Variants in CTXND1 observed in about 807,000 individuals in gnomAD.
CTXND1 encodes cortexin domain containing 1, also known as cortexin domain-containing 1 protein.
At chr15:80,223,304 G>A (rs986369516) in intron 1 of CTXND1, among the ~76,000 whole-genome samples, 1 of 152,120 alleles carries the variant, frequency 6.6e-6, no homozygotes, top group Non-Finnish European at 1.5e-5. Flanking sequence ...TGATCTGCCC[G>A]CTTCAGCCTC....
At chr15:80,205,958 T>G (rs1893143495) in intron 1 of CTXND1, among the ~76,000 whole-genome samples, 1 of 151,752 alleles carries the variant, frequency 6.6e-6, no homozygotes, top group Non-Finnish European at 1.5e-5. Flanking sequence ...TTTTTGCCAA[T>G]TTGAAAGAAA....
intron 1 of CTXND1, among the ~76,000 whole-genome samples, chr15:80,232,410 G>A (rs1322595477): frequency 1.3e-5 from 2 of 152,128 alleles, no homozygotes; most frequent in Non-Finnish European, 2.9e-5. Flanking sequence ...TTCATCAGTG[G>A]CCCCGATGTA....
intron 1 of CTXND1, among the ~76,000 whole-genome samples, chr15:80,212,698 A>C (rs529382260): frequency 4.6e-5 from 7 of 152,354 alleles, no homozygotes; most frequent in African/African-American, 1.7e-4. Flanking sequence ...TCACCACGAC[A>C]TATATGGGAG....
chr15:80,203,709 C>G lies in CTXND1; in HGVS notation c.-186G>C, dbSNP rs1313564963. ...AGTGGCCTTTCACTGAGAGCAGGCACTGTGCTGGCTCGTGGGGGCGCTGGA... is the reference window on the plus strand; with the variant it reads ...AGTGGCCTTTCACTGAGAGCAGGCAGTGTGCTGGCTCGTGGGGGCGCTGGA... On this transcript the variant is annotated 5_prime_UTR_variant, in exon 2 of 3. Coordinates refer to ENST00000560778, the MANE Select transcript of CTXND1 (RefSeq NM_001352888.2). The G allele has an allele frequency of 1.3e-5, 2 of 152,104 alleles. No homozygotes were observed. Among genetic ancestry groups the G allele is most frequent in the Non-Finnish European group, 2.9e-5 (2 of 68,056 alleles). 9.4% of individuals were successfully genotyped at this position (152,104 alleles called of 1,614,324 possible).
chr15:80,233,402 C>T (rs968146986), intron 1 of CTXND1, among the ~76,000 whole-genome samples: 6 of 152,166 alleles, frequency 3.9e-5, no homozygotes, highest in African/African-American at 1.2e-4. Flanking sequence ...AAAATATTAG[C>T]TGTCATTCTT....
Position 80,252,132 on chromosome 15 carries a change from G to A in CTXND1, c.-343C>T, listed in dbSNP as rs1447877598. On this transcript the variant is annotated 5_prime_UTR_variant, in exon 1 of 3. Coordinates refer to ENST00000560778, the MANE Select transcript of CTXND1 (RefSeq NM_001352888.2). ...GGCGCGGGCTCGCGGGGCGCGGGGG[G>A]CGCTGCCCAGGCCCGGCTCGGCAGG... is the stretch of plus-strand genomic sequence containing the variant. 1 of 151,634 alleles carries A rather than the reference G, an allele frequency of 6.6e-6. No homozygotes were observed. The highest frequency in any genetic ancestry group is 1.5e-5 in the Non-Finnish European group (1 of 67,914). The allele number at this position is 151,634 out of a possible 1,614,324, so 9.4% of individuals were successfully genotyped here.
intron 1 of CTXND1, among the ~76,000 whole-genome samples, chr15:80,248,367 G>A (rs952175584): frequency 1.1e-4 from 17 of 152,156 alleles, no homozygotes; most frequent in Admixed American, 3.9e-4. Flanking sequence ...ATGATCCTAC[G>A]GCTTATAGGA....
At chr15:80,220,173 TTATCTATC>T (rs1280577039) in intron 1 of CTXND1, among the ~76,000 whole-genome samples, 1 of 144,794 alleles carries the variant, frequency 6.9e-6, no homozygotes, top group Non-Finnish European at 1.5e-5. Flanking sequence ...ATCTATCTAT[TTATCTATC>T]TATCTATATT....
At chr15:80,207,589 G>A (rs1050619414) in intron 1 of CTXND1, among the ~76,000 whole-genome samples, 7 of 152,088 alleles carry the variant, frequency 4.6e-5, no homozygotes, top group African/African-American at 9.7e-5. Context: ...TTTTGGTTCA[G>A]TTTCTTGATA....
intron 1 of CTXND1, among the ~76,000 whole-genome samples, chr15:80,203,998 A>G (rs1378529285): frequency 1.3e-5 from 2 of 151,006 alleles, no homozygotes; most frequent in Non-Finnish European, 3.0e-5. Context: ...CTGTCTCTAC[A>G]AAAAGTACAA....
chr15:80,231,711 A>G (rs1037460829), intron 1 of CTXND1, among the ~76,000 whole-genome samples: 5 of 152,162 alleles, frequency 3.3e-5, no homozygotes, highest in African/African-American at 1.2e-4. Flanking sequence ...TTCCAGGCAG[A>G]GTGTTGCCCA....
At chr15:80,208,269 A>T (rs1462998559) in intron 1 of CTXND1, among the ~76,000 whole-genome samples, 2 of 152,246 alleles carry the variant, frequency 1.3e-5, no homozygotes, top group African/African-American at 4.8e-5. Context: ...ACACACACAT[A>T]TGCACATACA....
At chr15:80,235,314 G>A (rs949549075) in intron 1 of CTXND1, among the ~76,000 whole-genome samples, 10 of 152,144 alleles carry the variant, frequency 6.6e-5, no homozygotes, top group East Asian at 1.9e-4. Context: ...TCCAGGTACC[G>A]AAAGTACATC....
chr15:80,224,807 G>C (rs533127961), intron 1 of CTXND1, among the ~76,000 whole-genome samples: 2 of 152,298 alleles, frequency 1.3e-5, no homozygotes, highest in East Asian at 3.9e-4. Context: ...GCAGTGGCTT[G>C]ATCTTAGCTC....
chr15:80,223,704 C>G lies in CTXND1; in HGVS notation c.-217-19964G>C, dbSNP rs539689367. 7.2e-5 allele frequency among the ~76,000 whole-genome samples: 11 copies of G among 152,054 alleles called. No homozygotes were observed. In the East Asian group the frequency reaches 1.9e-3, roughly 27 times the overall value. On this transcript the variant is annotated intron_variant, in intron 1 of 2. Coordinates refer to ENST00000560778, the MANE Select transcript of CTXND1 (RefSeq NM_001352888.2). ...CCCAGTCGCTCTGCATCCTCATCAGCACTTGGTAGGTTGGGCCTTGTAAAT... is the reference window on the plus strand; with the variant it reads ...CCCAGTCGCTCTGCATCCTCATCAGGACTTGGTAGGTTGGGCCTTGTAAAT...
chr15:80,248,563 T>C (rs555821454), intron 1 of CTXND1, among the ~76,000 whole-genome samples: 22 of 152,344 alleles, frequency 1.4e-4, no homozygotes, highest in Non-Finnish European at 2.4e-4. Flanking sequence ...TGAGGCCTCG[T>C]TCTGGCTCCA....
chr15:80,202,849 G>T (rs1335763695), intron 2 of CTXND1, among the ~76,000 whole-genome samples: 1 of 152,182 alleles, frequency 6.6e-6, no homozygotes. Flanking sequence ...GCAGTCACGT[G>T]GAAGAGTCCC....
rs559184335 is a variant in CTXND1 at position 80,200,934 on chromosome 15, G to T, written c.*836C>A. On this transcript the variant is annotated 3_prime_UTR_variant, in exon 3 of 3. Transcript: ENST00000560778. Reference sequence around the variant, plus strand: ...GGATGCCCTTCGGTCACTAAAACTGGCAGCTAAGAAGAGTGTTTGATGTAA... The same window carrying T: ...GGATGCCCTTCGGTCACTAAAACTGTCAGCTAAGAAGAGTGTTTGATGTAA... 25 of 152,300 alleles carry T rather than the reference G, an allele frequency of 1.6e-4. No individual in the cohort carries two copies. The highest frequency in any genetic ancestry group is 6.0e-4 in the African/African-American group (25 of 41,554). The allele number at this position is 152,300 out of a possible 1,614,324, so 9.4% of individuals were successfully genotyped here.
intron 1 of CTXND1, among the ~76,000 whole-genome samples, chr15:80,212,166 G>C (rs1893209973): frequency 6.6e-6 from 1 of 152,152 alleles, no homozygotes; most frequent in African/African-American, 2.4e-5. Context: ...GCTGAGACTT[G>C]CCCTTCATCT....
Sources: allele counts gnomAD v4.1 joint callset (sites outside exome capture counted in the v4.1 genomes callset), GRCh38; gene constraint gnomAD v4.1.1; transcripts MANE v1.5; gene names NCBI Gene and HGNC (gene_info 2026-07-23, HGNC 2026-07-21).